CWF19L1: variants seen among roughly 807,000 people sequenced by gnomAD.
CWF19L1 encodes CWF19-like protein 1.
Under a neutral mutation model 69.7 loss-of-function variants are expected in CWF19L1, and 60 were observed. That is an observed-to-expected ratio of 0.86 (90% CI 0.70 to 1.07). CWF19L1 has a LOEUF of 1.07. Among genes scored for constraint, CWF19L1 ranks in the 50% least tolerant of loss-of-function variants. The probability of loss-of-function intolerance (pLI) is 0.00; values close to 1 mark genes in which losing one functional copy is unlikely to be tolerated. For synonymous variants in CWF19L1, 209 were observed against 222.2 expected (o/e 0.94, Z 0.53); for missense variants, 591 against 638.9 (o/e 0.92, Z 0.81).
At chr10:100,246,377 A>G (rs1277134700) in intron 8 of CWF19L1, among the ~76,000 whole-genome samples, 1 of 152,220 alleles carries the variant, frequency 6.6e-6, no homozygotes, top group Non-Finnish European at 1.5e-5. Flanking sequence ...TTTAGTGGGG[A>G]AAAAATTAAT....
chr10:100,235,822 G>C, intron 12 of CWF19L1, 58 bp from the exon 13 acceptor site: 1 of 1,215,960 alleles, frequency 8.2e-7, no homozygotes, highest in Non-Finnish European at 1.2e-6. Flanking sequence ...TCTATAATCT[G>C]AGTTCATCTC....
At chr10:100,264,631 A>T (rs1352421351) in intron 1 of CWF19L1, among the ~76,000 whole-genome samples, 4 of 150,722 alleles carry the variant, frequency 2.7e-5, no homozygotes, top group African/African-American at 9.8e-5. Context: ...AAAAAAGTTG[A>T]CTGTAAAAAA....
intron 1 of CWF19L1, 29 bp downstream of exon 1, chr10:100,267,542 G>C (rs756037154): frequency 6.2e-7 from 1 of 1,614,210 alleles, no homozygotes; most frequent in East Asian, 2.2e-5. Context: ...GAGACACAGG[G>C]AGAGAGGCTT....
In CWF19L1 at chr10:100,233,012, G is replaced by A. The variant is rs1488903027; in HGVS notation, c.*215C>T. 2.7e-5 allele frequency: 10 copies of A among 365,530 alleles called. No homozygotes were observed. In the East Asian group the frequency reaches 4.6e-4, roughly 17 times the overall value. The allele number at this position is 365,530 out of a possible 1,614,324, so 22.6% of individuals were successfully genotyped here. A position where few individuals can be genotyped will look rare whatever the true frequency, so the allele number is the denominator to read the frequency against. On this transcript the variant is annotated 3_prime_UTR_variant, in exon 14 of 14. Coordinates refer to ENST00000354105, the MANE Select transcript of CWF19L1 (RefSeq NM_018294.6). ...AAATCAAAAAAGTTTGCCAGGCATG[G>A]TAGCATGCGCCTGTGGTCCCAGCTA...
chr10:100,246,260 C>T (rs142182866), intron 8 of CWF19L1: 184 of 203,650 alleles, frequency 9.0e-4, no homozygotes, highest in African/African-American at 4.1e-3. Context: ...TTTCACAGGT[C>T]AAACAAGCCT....
intron 3 of CWF19L1, 111 bp downstream of exon 3, chr10:100,260,855 A>T: frequency 1.4e-6 from 1 of 734,118 alleles, no homozygotes; most frequent in African/African-American, 1.8e-5. Context: ...TAAATTCTTA[A>T]ATACTGAAAA....
chr10:100,265,426 G>T (rs749484720), intron 1 of CWF19L1, among the ~76,000 whole-genome samples: 1 of 150,288 alleles, frequency 6.7e-6, no homozygotes, highest in African/African-American at 2.4e-5. Flanking sequence ...CTCACTCAGA[G>T]AAACTTTCAG....
intron 10 of CWF19L1, among the ~76,000 whole-genome samples, chr10:100,241,660 C>T (rs1190337355): frequency 2.0e-5 from 3 of 152,182 alleles, no homozygotes; most frequent in Admixed American, 1.3e-4. Flanking sequence ...ACTGGGAAGT[C>T]GAAGTGCATA....
intron 9 of CWF19L1, among the ~76,000 whole-genome samples, chr10:100,244,647 G>A (rs1020988403): frequency 4.0e-5 from 6 of 151,154 alleles, no homozygotes; most frequent in Non-Finnish European, 7.4e-5. Context: ...GAGCCACCGC[G>A]CCTGGCCCGT....
At chr10:100,258,868 C>A (rs1215868423) in intron 4 of CWF19L1, among the ~76,000 whole-genome samples, 2 of 148,360 alleles carry the variant, frequency 1.3e-5, no homozygotes, top group Non-Finnish European at 3.0e-5. Flanking sequence ...AGAAATAAGA[C>A]CAACAAGGAG....
chr10:100,244,543 G>A (rs1846746412), intron 9 of CWF19L1, among the ~76,000 whole-genome samples: 1 of 152,146 alleles, frequency 6.6e-6, no homozygotes, highest in Admixed American at 6.5e-5. Flanking sequence ...TTTTAGTACA[G>A]ACGGGGTTTC....
intron 10 of CWF19L1, among the ~76,000 whole-genome samples, 189 bp from the exon 11 acceptor site, chr10:100,238,420 A>G (rs1044750408): frequency 6.6e-6 from 1 of 152,240 alleles, no homozygotes; most frequent in African/African-American, 2.4e-5. Context: ...TCCGCTGAAG[A>G]GTGAGATTCG....
At chr10:100,262,184 C>A in intron 1 of CWF19L1, 121 bp from the exon 2 acceptor site, 1 of 1,414,008 alleles carries the variant, frequency 7.1e-7, no homozygotes, top group Non-Finnish European at 9.2e-7. Context: ...AGTTACCTTG[C>A]AAGGTTCAGT....
In CWF19L1 at chr10:100,260,163, G is replaced by A. The variant is rs530383277; in HGVS notation, c.289+55C>T. 1,011 of 1,187,412 alleles carry A rather than the reference G, an allele frequency of 8.5e-4. 4 individuals carry two copies. In the African/African-American group the frequency reaches 9.8e-3, roughly 12 times the overall value. The allele number at this position is 1,187,412 out of a possible 1,614,324, so 73.6% of individuals were successfully genotyped here. On this transcript the variant is annotated intron_variant, in intron 4 of 13. Coordinates refer to ENST00000354105, the MANE Select transcript of CWF19L1 (RefSeq NM_018294.6). ...AGCCTGGGTGACAGAGCAAGACTCC[G>A]TCTCAAAAACAAAAAACAAAAAACA...
intron 5 of CWF19L1, chr10:100,254,767 G>C (rs1480380637): frequency 6.6e-6 from 1 of 152,168 alleles, no homozygotes; most frequent in African/African-American, 2.4e-5. Flanking sequence ...TCCTTACAGA[G>C]CATCATATGT....
At chr10:100,247,607 G>C (rs1846869850) in intron 7 of CWF19L1, among the ~76,000 whole-genome samples, 2 of 152,102 alleles carry the variant, frequency 1.3e-5, no homozygotes, top group Non-Finnish European at 2.9e-5. Context: ...ATAAAACTTT[G>C]ACGTGGGCTG....
At chr10:100,251,267 A>C (rs1847019152) in intron 6 of CWF19L1, among the ~76,000 whole-genome samples, 1 of 152,076 alleles carries the variant, frequency 6.6e-6, no homozygotes, top group Non-Finnish European at 1.5e-5. Context: ...GCTGACTCTT[A>C]CATTTAACCT....
intron 6 of CWF19L1, among the ~76,000 whole-genome samples, chr10:100,252,483 C>T (rs1422721325): frequency 2.0e-5 from 3 of 151,126 alleles, no homozygotes; most frequent in Non-Finnish European, 4.4e-5. Flanking sequence ...CTATGTACCC[C>T]CAAAAATTAA....
At chr10:100,251,505 CTTTTTTTTTTTTTT>C in intron 6 of CWF19L1, among the ~76,000 whole-genome samples, 1 of 88,310 alleles carries the variant, frequency 1.1e-5, no homozygotes, top group East Asian at 3.4e-4. Flanking sequence ...GTCTATTGGC[CTTTTTTTTTTTTTT>C]TTTTTTTTTT....
Sources: gnomAD v4.1 joint callset for allele counts (sites outside exome capture counted in the v4.1 genomes callset) on GRCh38, gnomAD v4.1.1 for gene constraint, MANE v1.5 for transcripts, NCBI Gene and HGNC (gene_info 2026-07-23, HGNC 2026-07-21) for gene names.